The following XIRP2 variants were observed in gnomAD, a reference collection of about 807,000 sequenced individuals.
XIRP2 encodes the protein xin actin-binding repeat-containing protein 2.
Under a neutral mutation model 277.0 loss-of-function variants are expected in XIRP2, and 236 were observed. That is an observed-to-expected ratio of 0.85 (90% confidence interval 0.77 to 0.95). XIRP2 has a LOEUF of 0.95. Among genes scored for constraint, XIRP2 ranks in the 40% least tolerant of loss-of-function variants. XIRP2 has a pLI of 0.00. For missense variants in XIRP2, 4,640 were observed against 4,157.5 expected (o/e 1.12, Z -3.19); for synonymous variants, 1,490 against 1,416.5 (o/e 1.05, Z -1.17).
At chr2:167,013,040 T>G (rs952236190) in intron 2 of XIRP2, among the ~76,000 whole-genome samples, 5 of 151,520 alleles carry the variant, frequency 3.3e-5, no homozygotes, top group African/African-American at 1.2e-4. Context: ...TCAACCATCC[T>G]CCTTTTGCAT....
chr2:166,937,899 T>G (rs1426433131), intron 2 of XIRP2, among the ~76,000 whole-genome samples: 4 of 152,226 alleles, frequency 2.6e-5, no homozygotes, highest in Non-Finnish European at 5.9e-5. Context: ...GTTTATAGTA[T>G]TCTCTGATGG....
chr2:167,201,111 G>A (rs1003611922), intron 3 of XIRP2, among the ~76,000 whole-genome samples: 2 of 150,698 alleles, frequency 1.3e-5, no homozygotes, highest in African/African-American at 4.9e-5. Context: ...AGACAACAGA[G>A]TGAGGCTTTG....
intron 2 of XIRP2, among the ~76,000 whole-genome samples, chr2:166,968,994 A>C (rs1488344484): frequency 2.6e-5 from 4 of 151,946 alleles, no homozygotes; most frequent in Non-Finnish European, 5.9e-5. Context: ...CCTGAGGCCA[A>C]TGTTTGTGTC....
In XIRP2 at chr2:167,176,249, G is replaced by T. The variant is rs549386260; in HGVS notation, c.563-34486G>T. Among the ~76,000 whole-genome samples, 13 of 152,266 alleles carry T rather than the reference G, an allele frequency of 8.5e-5. No individual in the cohort carries two copies. In the South Asian group the frequency reaches 2.5e-3, roughly 29 times the overall value. On this transcript the variant is annotated intron_variant, in intron 3 of 10. Transcript: ENST00000409195. ...GCTTGAAACGAAGGGCCTTCTCTTG[G>T]CCAGGGGAGGGAGTTCTTGACCCCT...
At chr2:167,046,846 A>G (rs1688799512) in intron 2 of XIRP2, among the ~76,000 whole-genome samples, 2 of 151,934 alleles carry the variant, frequency 1.3e-5, no homozygotes, top group African/African-American at 2.4e-5. Context: ...CTGGGTGACA[A>G]AATCATTTGT....
In XIRP2 at chr2:167,243,249, G is replaced by A; in HGVS notation, c.1857G>A (p.Trp619Ter). 1 of 1,613,702 alleles carries A rather than the reference G, an allele frequency of 6.2e-7. No homozygotes were observed. Among genetic ancestry groups the A allele is most frequent in the East Asian group, 2.2e-5 (1 of 44,826 alleles). The change falls in exon 9 of 11, where the codon TGG becomes TGA. Residue 619 changes from tryptophan to a stop codon, truncating the protein, a stop_gained. Coordinates refer to ENST00000409195, the MANE Select transcript of XIRP2 (RefSeq NM_152381.6). LOFTEE classifies it high-confidence loss of function. ...IAGGDVKYTT[W>*]MFETQPIDTL... ...GTGGTGATGTGAAATATACCACATGGATGTTTGAAACCCAACCCATCGACA... is the reference window on the plus strand; with the variant it reads ...GTGGTGATGTGAAATATACCACATGAATGTTTGAAACCCAACCCATCGACA...
At chr2:167,004,975 T>C (rs1469542521) in intron 2 of XIRP2, among the ~76,000 whole-genome samples, 1 of 151,842 alleles carries the variant, frequency 6.6e-6, no homozygotes, top group East Asian at 1.9e-4. Flanking sequence ...GAAGTGACCT[T>C]CGTTATTACT....
At chr2:167,153,897 G>C (rs1692101161) in intron 3 of XIRP2, among the ~76,000 whole-genome samples, 1 of 151,388 alleles carries the variant, frequency 6.6e-6, no homozygotes, top group Admixed American at 6.6e-5. Context: ...ATAGCAGCAT[G>C]ATTTATAGTC....
At chr2:167,194,678 G>A (rs1203119501) in intron 3 of XIRP2, among the ~76,000 whole-genome samples, 2 of 152,054 alleles carry the variant, frequency 1.3e-5, no homozygotes, top group Non-Finnish European at 2.9e-5. Context: ...GTTGAACGCA[G>A]ACTTTGGAAC....
chr2:167,143,374 T>C (rs148316386), intron 3 of XIRP2, among the ~76,000 whole-genome samples: 26 of 152,188 alleles, frequency 1.7e-4, no homozygotes, highest in Non-Finnish European at 1.9e-4. Flanking sequence ...TTAAAGTGTT[T>C]TTGAAGCATG....
At chr2:167,172,393 C>T (rs1206156983) in intron 3 of XIRP2, among the ~76,000 whole-genome samples, 1 of 152,146 alleles carries the variant, frequency 6.6e-6, no homozygotes, top group Non-Finnish European at 1.5e-5. Context: ...CATTGATAAC[C>T]TCTTATCAGG....
At chr2:166,905,410 A>G (rs1405061028) in intron 2 of XIRP2, among the ~76,000 whole-genome samples, 1 of 152,016 alleles carries the variant, frequency 6.6e-6, no homozygotes, top group African/African-American at 2.4e-5. Flanking sequence ...TATATACAAC[A>G]GTAAGATAAT....
At chr2:167,116,117 G>C (rs575871924) in intron 2 of XIRP2, among the ~76,000 whole-genome samples, 1 of 152,206 alleles carries the variant, frequency 6.6e-6, no homozygotes, top group East Asian at 1.9e-4. Context: ...TGCCTTTCTT[G>C]GGTGAGATGT....
chr2:167,214,503 G>C (rs79223290), intron 4 of XIRP2, among the ~76,000 whole-genome samples: 248 of 149,220 alleles, frequency 1.7e-3, no homozygotes, highest in Admixed American at 2.8e-3. Context: ...AAAATCAACT[G>C]TATGAATTTT....
chr2:167,011,193 A>G (rs1471331721), intron 2 of XIRP2, among the ~76,000 whole-genome samples: 1 of 150,880 alleles, frequency 6.6e-6, no homozygotes, highest in Non-Finnish European at 1.5e-5. Context: ...ATTCAGTATG[A>G]TATTGGCTGT....
chr2:166,908,082 C>T (rs1204242804), intron 2 of XIRP2, among the ~76,000 whole-genome samples: 2 of 152,072 alleles, frequency 1.3e-5, no homozygotes, highest in Non-Finnish European at 2.9e-5. Context: ...CATATGTGTG[C>T]ATATGTCTTT....
At chr2:166,912,437 G>A (rs370432663) in intron 2 of XIRP2, among the ~76,000 whole-genome samples, 5 of 152,172 alleles carry the variant, frequency 3.3e-5, no homozygotes, top group African/African-American at 2.4e-5. Flanking sequence ...CATAGTTCTC[G>A]TGCCATGTTT....
At chr2:166,933,285 A>T (rs1211630509) in intron 2 of XIRP2, among the ~76,000 whole-genome samples, 2 of 151,466 alleles carry the variant, frequency 1.3e-5, no homozygotes, top group African/African-American at 2.4e-5. Context: ...AGTAGCTGGG[A>T]CTACAGGGGC....
chr2:167,149,522 T>C (rs1172309287), intron 3 of XIRP2, among the ~76,000 whole-genome samples: 1 of 152,172 alleles, frequency 6.6e-6, no homozygotes, highest in Non-Finnish European at 1.5e-5. Context: ...TCAGGTCAGT[T>C]GGAAATGGAT....
Sources: gnomAD v4.1 joint callset for allele counts (sites outside exome capture counted in the v4.1 genomes callset) on GRCh38, gnomAD v4.1.1 for gene constraint, MANE v1.5 for transcripts, NCBI Gene and HGNC (gene_info 2026-07-23, HGNC 2026-07-21) for gene names.